The following PTK2B variants were observed in gnomAD, a reference collection of about 807,000 sequenced individuals.
PTK2B encodes the protein protein-tyrosine kinase 2-beta.
In PTK2B, 71 loss-of-function variants were observed where a neutral mutation model predicts 142.9. The ratio of observed to expected loss-of-function variants is 0.50; its 90% CI spans 0.41 to 0.61. The LOEUF (loss-of-function observed/expected upper bound fraction) is 0.61, where lower values mean the gene tolerates loss of function less well. Among genes scored for constraint, PTK2B ranks in the 20% least tolerant of loss-of-function variants. PTK2B has a pLI of 0.00. For missense variants in PTK2B, 1,105 were observed against 1,320.4 expected, an observed-to-expected ratio of 0.84 and a Z score of 2.53; for synonymous variants, 519 against 503.4, an observed-to-expected ratio of 1.03 and a Z score of -0.42.
At chr8:27,410,034 T>C (rs1433441107) in intron 2 of PTK2B, among the ~76,000 whole-genome samples, 2 of 152,218 alleles carry the variant, frequency 1.3e-5, no homozygotes, top group Non-Finnish European at 2.9e-5. Context: ...AGACTTTTTT[T>C]CAACAAAAGC....
intron 1 of PTK2B, among the ~76,000 whole-genome samples, chr8:27,360,149 A>G (rs1805615721): frequency 6.6e-6 from 1 of 152,208 alleles, no homozygotes; most frequent in Non-Finnish European, 1.5e-5. Flanking sequence ...GGACTGAAAA[A>G]TCATACATCC....
At chr8:27,346,816 T>C (rs538602554) in intron 1 of PTK2B, among the ~76,000 whole-genome samples, 24 of 152,348 alleles carry the variant, frequency 1.6e-4, no homozygotes, top group Middle Eastern at 3.4e-3. Context: ...GGATAACTCA[T>C]GGCTGGAAAG....
At chr8:27,403,911 TTC>T (rs1808540347) in intron 2 of PTK2B, among the ~76,000 whole-genome samples, 1 of 151,714 alleles carries the variant, frequency 6.6e-6, no homozygotes, top group African/African-American at 2.4e-5. Context: ...CCTCCTCCTC[TTC>T]TTTCTCCTTC....
In PTK2B at chr8:27,440,238, C is replaced by A; in HGVS notation, c.1836C>A (p.Ala612=). Residue 612 remains alanine (A), a splice_region_variant and synonymous_variant, in exon 21 of 31, where the codon GCC becomes GCA. Transcript: ENST00000346049. Reference sequence around the variant, plus strand: ...GCCTGACGCTCCCTTACACCCCAGCCGTGTGCATGTGGGAGATCCTGAGCT... The same window carrying A: ...GCCTGACGCTCCCTTACACCCCAGCAGTGTGCATGTGGGAGATCCTGAGCT... ...FTTASDVWMF[A]VCMWEILSFG... is the part of the protein sequence containing the mutation. 1 of 1,614,108 alleles carries A rather than the reference C, an allele frequency of 6.2e-7. No homozygotes were observed.
At position 27,421,296 on chromosome 8, in the gene PTK2B, A is replaced by AT. The variant is rs1357312385; in HGVS notation, c.471+555dup. Among the ~76,000 whole-genome samples, 13 of 65,546 alleles carry AT rather than the reference A, an allele frequency of 2.0e-4. No homozygotes were observed. In the East Asian group the frequency reaches 4.3e-3, roughly 22 times the overall value. The allele number at this position is 65,546 out of a possible 152,430, so 43.0% of individuals were successfully genotyped here. On this transcript the variant is annotated intron_variant, in intron 4 of 30. Coordinates refer to ENST00000346049, the MANE Select transcript of PTK2B (RefSeq NM_173176.3). ...CACTTACCTATTTATTTATTTATTT[A>AT]TTTATTTATTTATTTATTTATTTAT...
rs760076531 is a variant in PTK2B at position 27,431,470 on chromosome 8, A to G, written c.883A>G (p.Lys295Glu). ...CCGCCAGCTGACTAGTCAGGACGCA[A>G]AGGTAGAGAGACCCGGGGCAGCCCC... ...GIRQLTSQDA[K>E]PTCLAEFKQI... The change falls in exon 9 of 31, where the codon AAG becomes GAG. Residue 295 changes from lysine to glutamate, a missense_variant and splice_region_variant. Physicochemically the swap from Lys to Glu is moderately conservative, Grantham distance 56 (BLOSUM62 1). Coordinates refer to ENST00000346049, the MANE Select transcript of PTK2B (RefSeq NM_173176.3). 2 of 1,614,070 alleles carry G rather than the reference A, an allele frequency of 1.2e-6. No individual in the cohort carries two copies. Among genetic ancestry groups the G allele is most frequent in the East Asian group, 2.2e-5 (1 of 44,878 alleles).
rs536541532 is a variant in PTK2B at position 27,342,543 on chromosome 8, G to GT, written c.-38+16868dup. 2.8e-3 allele frequency among the ~76,000 whole-genome samples: 433 copies of GT among 152,234 alleles called. 2 individuals carry two copies. Among genetic ancestry groups the GT allele is most frequent in the African/African-American group, 0.01 (421 of 41,540 alleles). ...CCTGACGACTTGGTTGGCTTCCCCA[G>GT]TTTTTTGTCTTCGTTCCCGGTGTTC... is the stretch of plus-strand genomic sequence containing the variant. On this transcript the variant is annotated intron_variant, in intron 1 of 30. Coordinates refer to ENST00000346049, the MANE Select transcript of PTK2B (RefSeq NM_173176.3).
rs1563282196 is a variant in PTK2B at position 27,432,319 on chromosome 8, G to A, written c.945G>A (p.Glu315=). ...CCATCAGGTGCCTCCCGCTGGAGGA[G>A]GGCCAGGCAGTACTTCAGCTGGGCA... The part of the protein sequence containing the change: ...IRSIRCLPLE[E]GQAVLQLGIE... Residue 315 remains glutamate, a synonymous_variant, in exon 10 of 31, where the codon GAG becomes GAA. Transcript: ENST00000346049. The A allele has an allele frequency of 1.2e-6, 2 of 1,614,020 alleles. No individual in the cohort carries two copies. The highest frequency in any genetic ancestry group is 1.7e-5 in the Admixed American group (1 of 60,010).
intron 1 of PTK2B, among the ~76,000 whole-genome samples, chr8:27,346,273 A>G (rs889981939): frequency 6.6e-6 from 1 of 152,172 alleles, no homozygotes; most frequent in Admixed American, 6.5e-5. Flanking sequence ...GCTGTGGCTC[A>G]TGCCTGTAAT....
rs141257309 is a variant in PTK2B at position 27,360,991 on chromosome 8, G to A, written c.-38+35310G>A. ...CTTTTTGTTGATATGAAGTTAAGGG[G>A]TACAAGTGAGAGTGATTTTGTTACA... On this transcript the variant is annotated intron_variant, in intron 1 of 30. Coordinates refer to ENST00000346049, the MANE Select transcript of PTK2B (RefSeq NM_173176.3). Among the ~76,000 whole-genome samples the A allele has an allele frequency of 1.2e-3, 186 of 152,230 alleles. 2 individuals carry two copies. Among genetic ancestry groups the A allele is most frequent in the Middle Eastern group, 6.8e-3 (2 of 294 alleles).
upstream of PTK2B, among the ~76,000 whole-genome samples, chr8:27,324,509 T>G (rs1803308239): frequency 6.6e-6 from 1 of 152,252 alleles, no homozygotes; most frequent in Admixed American, 6.5e-5. Context: ...TTCCTAGCTT[T>G]GTTAACTTAT....
intron 1 of PTK2B, among the ~76,000 whole-genome samples, chr8:27,331,937 CG>C (rs895260779): frequency 3.7e-4 from 56 of 152,326 alleles, no homozygotes; most frequent in African/African-American, 1.3e-3. Context: ...ACCCAGTCCC[CG>C]CCCCCAGGTC....
At chr8:27,349,259 T>C (rs1804899275) in intron 1 of PTK2B, among the ~76,000 whole-genome samples, 1 of 152,222 alleles carries the variant, frequency 6.6e-6, no homozygotes, top group Non-Finnish European at 1.5e-5. Flanking sequence ...TGTTTTTTGG[T>C]CTTAACTGTA....
intron 1 of PTK2B, among the ~76,000 whole-genome samples, chr8:27,391,669 C>T (rs965944464): frequency 6.6e-6 from 1 of 152,204 alleles, no homozygotes; most frequent in African/African-American, 2.4e-5. Context: ...AGTTCCCCCT[C>T]CTGCAGGCAG....
intron 1 of PTK2B, among the ~76,000 whole-genome samples, chr8:27,330,385 G>A (rs181184193): frequency 1.3e-5 from 2 of 152,264 alleles, no homozygotes; most frequent in Admixed American, 1.3e-4. Context: ...TCTCTCACAA[G>A]CATACATCAG....
chr8:27,400,787 C>G (rs1190147575), intron 2 of PTK2B, among the ~76,000 whole-genome samples: 1 of 152,180 alleles, frequency 6.6e-6, no homozygotes, highest in Non-Finnish European at 1.5e-5. Flanking sequence ...GAAACACCCC[C>G]ACGGAGGAGC....
chr8:27,392,326 T>C (rs889784264), intron 1 of PTK2B, among the ~76,000 whole-genome samples: 10 of 151,300 alleles, frequency 6.6e-5, no homozygotes, highest in African/African-American at 1.5e-4. Context: ...TTTTTTTTTT[T>C]CTGGAGCACT....
chr8:27,347,473 C>T (rs778690018), intron 1 of PTK2B, among the ~76,000 whole-genome samples: 23 of 152,158 alleles, frequency 1.5e-4, no homozygotes, highest in East Asian at 3.8e-4. Flanking sequence ...TATTTTCTCC[C>T]GGTACTGGAG....
intron 2 of PTK2B, 132 bp from the exon 3 acceptor site, chr8:27,419,763 G>C: frequency 8.4e-6 from 8 of 946,938 alleles, no homozygotes; most frequent in Non-Finnish European, 1.2e-5. Flanking sequence ...CTAAATGCTA[G>C]AGAATCAGAG....
Sources: gnomAD v4.1 joint callset for allele counts (sites outside exome capture counted in the v4.1 genomes callset) on GRCh38, gnomAD v4.1.1 for gene constraint, MANE v1.5 for transcripts, NCBI Gene and HGNC (gene_info 2026-07-23, HGNC 2026-07-21) for gene names.